The following COLEC12 variants were observed in gnomAD, a reference collection of about 807,000 sequenced individuals.
COLEC12 encodes collectin subfamily member 12, also known as collectin-12.
Under a neutral mutation model 71.1 loss-of-function variants are expected in COLEC12, and 33 were observed. The observed-to-expected ratio is 0.46, with a 90% CI of 0.35 to 0.62. The LOEUF is 0.62. Among genes scored for constraint, COLEC12 ranks in the 20% least tolerant of loss-of-function variants. COLEC12 has a pLI of 0.00. For missense variants in COLEC12, 765 were observed against 916.1 expected (o/e 0.84, Z 2.13); for synonymous variants, 350 against 353.0 (o/e 0.99, Z 0.10).
chr18:347,189 C>A lies in COLEC12; in HGVS notation c.433G>T (p.Ala145Ser), dbSNP rs1204900111. 1 of 1,614,198 alleles carries A rather than the reference C, an allele frequency of 6.2e-7. No homozygotes were observed. Among genetic ancestry groups the A allele is most frequent in the East Asian group, 2.2e-5 (1 of 44,882 alleles). The change falls in exon 5 of 10, where the codon GCT becomes TCT. Residue 145 changes from alanine to serine, a missense_variant. Transcript: ENST00000400256. ...TLEKLQASGD[A>S]LVDRQSQLKE... ...AATTGACTCTGCCTGTCCACCAGAG[C>A]ATCCCCGCTCGCCTGTAACTTCTCC...
In COLEC12 at chr18:332,223, G is replaced by A. The variant is rs990604928; in HGVS notation, c.1954-446C>T. On this transcript the variant is annotated intron_variant, in intron 7 of 9. Transcript: ENST00000400256. ...AACAAACATGAGAAGTAGCTGAGCT[G>A]GGCTTGGGCCCTGGTCTGTGTATTC... Among the ~76,000 whole-genome samples the A allele has an allele frequency of 2.0e-5, 3 of 152,228 alleles. No individual in the cohort carries two copies. The South Asian group carries it at 6.2e-4, about 31-fold the overall frequency.
intron 2 of COLEC12, among the ~76,000 whole-genome samples, chr18:455,713 G>T (rs960033789): frequency 6.0e-5 from 9 of 150,304 alleles, no homozygotes; most frequent in Non-Finnish European, 7.4e-5. Flanking sequence ...TGTTCTCATT[G>T]TTCAACTCCC....
At chr18:463,580 C>CG (rs1887404228) in intron 2 of COLEC12, among the ~76,000 whole-genome samples, 1 of 152,058 alleles carries the variant, frequency 6.6e-6, no homozygotes, top group Non-Finnish European at 1.5e-5. Flanking sequence ...GACTGCACAG[C>CG]GGGGGCTCGG....
intron 1 of COLEC12, among the ~76,000 whole-genome samples, chr18:487,371 G>A (rs1396549081): frequency 6.6e-6 from 1 of 152,074 alleles, no homozygotes; most frequent in Non-Finnish European, 1.5e-5. Context: ...TTTTTAGGGT[G>A]GTGAAACTTC....
rs2012143 is a variant in COLEC12 at position 335,316 on chromosome 18, A to C, written c.1328-86T>G. On this transcript the variant is annotated intron_variant, in intron 5 of 9. Transcript: ENST00000400256. ...ATTTTTCTTCTTATAAAATCTCCAA[A>C]TTAAAAAAACCTAGCATACAAAGTA... 0.25 allele frequency: 352,798 copies of C among 1,424,152 alleles called. 47,284 individuals are homozygous for C. The highest frequency in any genetic ancestry group is 0.56 in the East Asian group (23,183 of 41,270). The allele number at this position is 1,424,152 out of a possible 1,614,324, so 88.2% of individuals were successfully genotyped here.
intron 2 of COLEC12, among the ~76,000 whole-genome samples, chr18:409,149 A>G (rs967627803): frequency 1.3e-5 from 2 of 152,298 alleles, no homozygotes; most frequent in African/African-American, 4.8e-5. Flanking sequence ...TACCACACTT[A>G]TTATCAGCTT....
chr18:467,831 C>G (rs1359196351), intron 2 of COLEC12, among the ~76,000 whole-genome samples: 1 of 148,126 alleles, frequency 6.8e-6, no homozygotes, highest in Non-Finnish European at 1.5e-5. Context: ...GATTTGTGAA[C>G]AAAATTAATA....
intron 1 of COLEC12, among the ~76,000 whole-genome samples, chr18:495,863 T>G (rs1273878398): frequency 6.6e-6 from 1 of 152,218 alleles, no homozygotes; most frequent in East Asian, 1.9e-4. Flanking sequence ...ACCAACTAGC[T>G]GGGTACCCTT....
intron 2 of COLEC12, among the ~76,000 whole-genome samples, chr18:452,191 A>G (rs1916776180): frequency 6.6e-6 from 1 of 152,190 alleles, no homozygotes; most frequent in Non-Finnish European, 1.5e-5. Flanking sequence ...GTGTTGGAAA[A>G]AAACTTGAAT....
At position 346,368 on chromosome 18, in the gene COLEC12, T is replaced by A; in HGVS notation, c.1254A>T (p.Ser418=). The change falls in exon 5 of 10, where the codon TCA becomes TCT. Residue 418 remains serine (S), a synonymous_variant. Transcript: ENST00000400256. This position sits in a 1 kb window ranked among gnomAD's most constrained non-coding sequence, Gnocchi z 4.0. The stretch of plus-strand genomic sequence containing the variant: ...CTAGCTTCATTTCTTCCATAATCAC[T>A]GATAAGTTGGCTACTTCAGTGTCTA... ...SRLDTEVANL[S]VIMEEMKLVD... The A allele has an allele frequency of 6.2e-7, 1 of 1,614,192 alleles. No homozygotes were observed. The highest frequency in any genetic ancestry group is 8.5e-7 in the Non-Finnish European group (1 of 1,180,032).
At chr18:321,111 A>G (rs548160427) in intron 9 of COLEC12, among the ~76,000 whole-genome samples, 2 of 152,208 alleles carry the variant, frequency 1.3e-5, no homozygotes, top group African/African-American at 4.8e-5. Flanking sequence ...CTGGAGTGCA[A>G]TGGTGCGATC....
intron 2 of COLEC12, among the ~76,000 whole-genome samples, chr18:417,672 C>G (rs917837061): frequency 6.6e-6 from 1 of 152,144 alleles, no homozygotes; most frequent in East Asian, 1.9e-4. Context: ...GTGGAGCCAG[C>G]GTTAGAAACA....
At chr18:466,487 T>A (rs1445768453) in intron 2 of COLEC12, among the ~76,000 whole-genome samples, 1 of 152,118 alleles carries the variant, frequency 6.6e-6, no homozygotes, top group Non-Finnish European at 1.5e-5. Context: ...ACTGCTTGAT[T>A]TGGGGTCTAG....
chr18:492,740 T>C (rs1032718330), intron 1 of COLEC12, among the ~76,000 whole-genome samples: 1 of 152,174 alleles, frequency 6.6e-6, no homozygotes, highest in Non-Finnish European at 1.5e-5. Flanking sequence ...CCGATACGTC[T>C]TTTTGTTTTG....
intron 2 of COLEC12, among the ~76,000 whole-genome samples, chr18:442,623 C>T (rs1357857465): frequency 6.6e-6 from 1 of 152,232 alleles, no homozygotes; most frequent in African/African-American, 2.4e-5. Context: ...ACTCCTAGAA[C>T]CTTTCTACCA....
chr18:439,418 A>G (rs1044206882), intron 2 of COLEC12, among the ~76,000 whole-genome samples: 9 of 152,268 alleles, frequency 5.9e-5, no homozygotes, highest in African/African-American at 2.2e-4. Context: ...CCTGGAACAC[A>G]CACAGAGAGA....
At chr18:478,981 TA>T (rs1297892033) in intron 2 of COLEC12, among the ~76,000 whole-genome samples, 3 of 151,874 alleles carry the variant, frequency 2.0e-5, no homozygotes, top group African/African-American at 7.3e-5. Flanking sequence ...GAGAAATTTA[TA>T]AAAAATTTTC....
At chr18:368,665 C>T (rs1178500103) in intron 2 of COLEC12, among the ~76,000 whole-genome samples, 57 of 151,966 alleles carry the variant, frequency 3.8e-4, no homozygotes, top group Non-Finnish European at 5.6e-4. Flanking sequence ...GAGATCGAGA[C>T]CAGCCTGGCT....
intron 2 of COLEC12, among the ~76,000 whole-genome samples, chr18:395,162 CAGAAATTTAGG>C (rs1915543612): frequency 6.6e-6 from 1 of 152,182 alleles, no homozygotes; most frequent in African/African-American, 2.4e-5. Context: ...AAGAATGCAG[CAGAAATTTAGG>C]ACTCAGACCT....
Sources: gnomAD v4.1 joint callset for allele counts (sites outside exome capture counted in the v4.1 genomes callset) on GRCh38, gnomAD v4.1.1 for gene constraint, Gnocchi (gnomAD v3.1) non-coding constraint, MANE v1.5 for transcripts, NCBI Gene and HGNC (gene_info 2026-07-23, HGNC 2026-07-21) for gene names.